The following MLXIPL variants were observed in gnomAD, a reference collection of about 807,000 sequenced individuals.
The protein encoded by MLXIPL is MLX interacting protein like.
A neutral mutation model predicts 81.5 loss-of-function variants in MLXIPL; 49 were observed. That is an observed-to-expected ratio of 0.60 (90% CI 0.48 to 0.76). MLXIPL has a LOEUF of 0.76. MLXIPL is among the 30% of genes least tolerant of loss of function. The pLI is 0.00. For missense variants in MLXIPL, 1,053 were observed against 1,167.0 expected, an observed-to-expected ratio of 0.90 and a Z score of 1.42; for synonymous variants, 466 against 485.5, an observed-to-expected ratio of 0.96 and a Z score of 0.53.
At chr7:73,599,742 G>A in intron 7 of MLXIPL, 47 bp from the exon 8 acceptor site, 1 of 1,562,408 alleles carries the variant, frequency 6.4e-7, no homozygotes, top group East Asian at 2.3e-5. Flanking sequence ...CCAGGGCTAT[G>A]GCTGGGAAAC....
rs1554594416 is a variant in MLXIPL at position 73,596,971 on chromosome 7, C to A, written c.1604-39G>T. The A allele has an allele frequency of 1.1e-5, 17 of 1,588,532 alleles. No homozygotes were observed. Among genetic ancestry groups the A allele is most frequent in the Non-Finnish European group, 1.5e-5 (17 of 1,169,290 alleles). ...GAACCGTGAGGCTACTGGGGCTGGC[C>A]CACCCCCGGCATCTATCAAGACCCC... On this transcript the variant is annotated intron_variant, in intron 9 of 16. Transcript: ENST00000313375. This position sits in a 1 kb window ranked among gnomAD's most constrained non-coding sequence, Gnocchi z 4.7.
chr7:73,631,973 T>TTCTCC, the MLXIPL span, among the ~76,000 whole-genome samples: 7 of 149,332 alleles, frequency 4.7e-5, no homozygotes, highest in Non-Finnish European at 1.0e-4. Context: ...CTTTTTTCTT[T>TTCTCC]TCTCCTCTCC....
chr7:73,597,468 G>C lies in MLXIPL; in HGVS notation c.1317C>G (p.Thr439=). The part of the protein sequence containing the change: ...PLFSPRFPFP[T]VPPAPGVSPL... ...GAGACACTCCTGGGGCAGGAGGGAC[G>C]GTGGGGAAGGGAAACCTGGGAGAGA... is the stretch of plus-strand genomic sequence containing the variant. The change falls in exon 9 of 17, where the codon ACC becomes ACG. Residue 439 remains threonine (T), a synonymous_variant. Transcript: ENST00000313375. 2.8e-6 allele frequency: 4 copies of C among 1,418,552 alleles called. No individual in the cohort carries two copies. The highest frequency in any genetic ancestry group is 3.7e-6 in the Non-Finnish European group (4 of 1,082,608). The allele number at this position is 1,418,552 out of a possible 1,614,324, so 87.9% of individuals were successfully genotyped here. A position where few individuals can be genotyped will look rare whatever the true frequency, so the allele number is the denominator to read the frequency against.
intron 7 of MLXIPL, among the ~76,000 whole-genome samples, chr7:73,603,515 C>A (rs1333691033): frequency 6.6e-6 from 1 of 152,214 alleles, no homozygotes; most frequent in Non-Finnish European, 1.5e-5. Flanking sequence ...GGGACTGGAA[C>A]AGGGGTGGGG....
chr7:73,596,510 G>C lies in MLXIPL; in HGVS notation c.1823-31C>G, dbSNP rs782565543. On this transcript the variant is annotated intron_variant, in intron 11 of 16. Coordinates refer to ENST00000313375, the MANE Select transcript of MLXIPL (RefSeq NM_032951.3). The surrounding 1 kb of genome is among the most constrained non-coding windows in gnomAD (Gnocchi z 4.7). ...GTAGGGACAGACAGACCCACAGAAAGACCGACCCAGGGGAAAGGGTCCCCA... is the reference window on the plus strand; with the variant it reads ...GTAGGGACAGACAGACCCACAGAAACACCGACCCAGGGGAAAGGGTCCCCA... 5.6e-6 allele frequency: 9 copies of C among 1,612,008 alleles called. No individual in the cohort carries two copies. The highest frequency in any genetic ancestry group is 2.2e-5 in the South Asian group (2 of 91,022).
At chr7:73,611,202 GA>G (rs1465750591) in intron 2 of MLXIPL, 1 of 152,202 alleles carries the variant, frequency 6.6e-6, no homozygotes, top group African/African-American at 2.4e-5. Context: ...CCTCCTCCAG[GA>G]AGCCTTCCTG....
Position 73,624,241 on chromosome 7 carries a change from G to A in MLXIPL, c.252C>T (p.Pro84=), listed in dbSNP as rs1554602996. 1.9e-6 allele frequency: 3 copies of A among 1,598,586 alleles called. No individual in the cohort carries two copies. The highest frequency in any genetic ancestry group is 2.6e-6 in the Non-Finnish European group (3 of 1,173,754). The change falls in exon 1 of 17, where the codon CCC becomes CCT. Residue 84 remains proline (P), a synonymous_variant. Coordinates refer to ENST00000313375, the MANE Select transcript of MLXIPL (RefSeq NM_032951.3). ...PSDFGPRSID[P]TLTRLFECLS... ...AGCACTCGAAGAGGCGTGTGAGTGT[G>A]GGGTCGATACTGCGCGGCCCGAAGT...
chr7:73,624,667 C>A (rs1372733624), upstream of MLXIPL: 76 of 1,270,812 alleles, frequency 6.0e-5, no homozygotes, highest in Non-Finnish European at 7.4e-5. Flanking sequence ...GGTGAGAACC[C>A]GGTGCTCTGG....
intron 7 of MLXIPL, among the ~76,000 whole-genome samples, chr7:73,600,310 C>T (rs190736887): frequency 1.8e-5 from 2 of 114,274 alleles, no homozygotes; most frequent in East Asian, 5.5e-4. Flanking sequence ...GCGAGAGGGG[C>T]CTAAGGGTGG....
At chr7:73,604,750 G>A (rs1393897105) in intron 7 of MLXIPL, among the ~76,000 whole-genome samples, 2 of 151,970 alleles carry the variant, frequency 1.3e-5, no homozygotes, top group Admixed American at 6.6e-5. Flanking sequence ...ATGTTCTCTA[G>A]TAAATAGTTT....
chr7:73,598,406 C>A (rs1225096586), intron 8 of MLXIPL, among the ~76,000 whole-genome samples: 1 of 152,096 alleles, frequency 6.6e-6, no homozygotes, highest in Non-Finnish European at 1.5e-5. Context: ...CATTTCCAGC[C>A]ACTTAACCAC....
chr7:73,614,330 A>C (rs1308803931), intron 2 of MLXIPL, among the ~76,000 whole-genome samples: 5 of 152,184 alleles, frequency 3.3e-5, no homozygotes, highest in Admixed American at 3.3e-4. Context: ...GTGAACCTGA[A>C]TATGTCACTT....
In MLXIPL at chr7:73,624,454, C is replaced by G; in HGVS notation, c.39G>C (p.Gln13His). Residue 13 changes from glutamine (Q) to histidine (H), a missense_variant, in exon 1 of 17, where the codon CAG becomes CAC. Physicochemically the swap from Gln to His is conservative, Grantham distance 24. Around this residue, in one of 3 missense-constraint regions of MLXIPL, gnomAD observed 226 missense variants for 216.2 expected, o/e 1.05. Transcript: ENST00000313375. ...CTGGGCTGGGCGCGACCCGCGGGAC[C>G]TGCAAGCCCGCGGCCAGACCTGCCA... Reference protein sequence around the residue: ...GALAGLAAGLQVPRVAPSPDS... With the variant: ...GALAGLAAGLHVPRVAPSPDS... 6.4e-7 allele frequency: 1 copy of G among 1,551,490 alleles called. No individual in the cohort carries two copies. Among genetic ancestry groups the G allele is most frequent in the Non-Finnish European group, 8.6e-7 (1 of 1,156,674 alleles).
At chr7:73,631,924 TC>T in the MLXIPL span, among the ~76,000 whole-genome samples, 2 of 93,886 alleles carry the variant, frequency 2.1e-5, no homozygotes, top group African/African-American at 8.6e-5. Flanking sequence ...TTCCCCTCCC[TC>T]CCCTCCCCTC....
chr7:73,637,519 T>C, the MLXIPL span, among the ~76,000 whole-genome samples: 1 of 151,950 alleles, frequency 6.6e-6, no homozygotes, highest in Non-Finnish European at 1.5e-5. Context: ...TTCAGTCAGT[T>C]TGAGAAGCAC....
Position 73,606,986 on chromosome 7 carries a change from C to G in MLXIPL, c.606G>C (p.Leu202=). 1 of 1,613,860 alleles carries G rather than the reference C, an allele frequency of 6.2e-7. No homozygotes were observed. The highest frequency in any genetic ancestry group is 8.5e-7 in the Non-Finnish European group (1 of 1,179,938). ...LRKPSREDDL[L]APKQAEGRWP... is the part of the protein sequence containing the mutation. Reference sequence around the variant, plus strand: ...ACAGAGCACCCACCTGCTTAGGGGCCAGGAGGTCATCTTCCCTGCTGGGCT... The same window carrying G: ...ACAGAGCACCCACCTGCTTAGGGGCGAGGAGGTCATCTTCCCTGCTGGGCT... The change falls in exon 5 of 17, where the codon CTG becomes CTC. Residue 202 remains leucine, a synonymous_variant. Coordinates refer to ENST00000313375, the MANE Select transcript of MLXIPL (RefSeq NM_032951.3).
rs1554592517 is a variant in MLXIPL, at chr7:73,593,430, CAG to C, written c.*433_*434del. On this transcript the variant is annotated 3_prime_UTR_variant, in exon 17 of 17. Transcript: ENST00000313375. The stretch of plus-strand genomic sequence containing the variant: ...CCTTTTCTGCTTCTCTGCTCAGGAA[CAG>C]AGGTCTGTGCCCCACCTGTCGGGGA... 1.8e-5 allele frequency: 5 copies of C among 271,572 alleles called. No individual in the cohort carries two copies. The allele number at this position is 271,572 out of a possible 1,614,324, so 16.8% of individuals were successfully genotyped here.
Position 73,596,337 on chromosome 7 carries a change from G to C in MLXIPL, c.1938+27C>G, listed in dbSNP as rs781866874. On this transcript the variant is annotated intron_variant, in intron 12 of 16. Transcript: ENST00000313375. The surrounding 1 kb of genome is among the most constrained non-coding windows in gnomAD (Gnocchi z 4.7). Reference sequence around the variant, plus strand: ...CAGGAGGGCCTGGGGGTAGCAAACCGATCTTGGGGTGGGGGATGGTGCCCA... The same window carrying C: ...CAGGAGGGCCTGGGGGTAGCAAACCCATCTTGGGGTGGGGGATGGTGCCCA... 35 of 1,611,828 alleles carry C rather than the reference G, an allele frequency of 2.2e-5. No individual in the cohort carries two copies. In the Middle Eastern group the frequency reaches 2.6e-3, roughly 122 times the overall value.
upstream of MLXIPL, among the ~76,000 whole-genome samples, chr7:73,626,453 C>T (rs551417889): frequency 6.6e-6 from 1 of 151,176 alleles, no homozygotes; most frequent in South Asian, 2.1e-4. Context: ...CAGGCTCATG[C>T]CACCAAACCT....
Sources: gnomAD v4.1 joint callset for allele counts (sites outside exome capture counted in the v4.1 genomes callset) on GRCh38, gnomAD v4.1.1 for gene constraint, gnomAD v4.1.1 regional missense constraint, Gnocchi (gnomAD v3.1) non-coding constraint, MANE v1.5 for transcripts, NCBI Gene and HGNC (gene_info 2026-07-23, HGNC 2026-07-21) for gene names.